The following CCZ1B variants were observed in gnomAD, a reference collection of about 807,000 sequenced individuals.
CCZ1B encodes CCZ1B vacuolar protein trafficking and biogenesis associated, also known as vacuolar fusion protein CCZ1 homolog B.
A neutral mutation model predicts 58.8 loss-of-function variants in CCZ1B; 25 were observed. The ratio of observed to expected loss-of-function variants is 0.43; its 90% CI spans 0.31 to 0.59. The LOEUF (loss-of-function observed/expected upper bound fraction) is 0.59, where lower values mean the gene tolerates loss of function less well. CCZ1B is among the 20% of genes least tolerant of loss of function. CCZ1B has a pLI of 0.12. For missense variants in CCZ1B, 180 were observed against 501.5 expected, an observed-to-expected ratio of 0.36 and a Z score of 6.12; for synonymous variants, 66 against 173.2, an observed-to-expected ratio of 0.38 and a Z score of 4.86.
intron 9 of CCZ1B, 96 bp downstream of exon 9, chr7:6,812,880 T>G: frequency 3.2e-6 from 5 of 1,546,720 alleles, no homozygotes; most frequent in Non-Finnish European, 4.4e-6. Context: ...TGAGCGGAGA[T>G]CTTGCCACTG....
chr7:6,815,321 A>G (rs986614378), intron 7 of CCZ1B, among the ~76,000 whole-genome samples: 2 of 148,294 alleles, frequency 1.3e-5, no homozygotes, highest in African/African-American at 5.1e-5. Context: ...ATGCGCCACC[A>G]TCAGCTAATT....
intron 7 of CCZ1B, among the ~76,000 whole-genome samples, chr7:6,819,021 G>A (rs921778395): frequency 6.9e-6 from 1 of 144,762 alleles, no homozygotes; most frequent in African/African-American, 2.7e-5. Flanking sequence ...GCAGTGGCTC[G>A]TGCCTGTAAT....
chr7:6,823,528 T>A (rs1219646947), intron 4 of CCZ1B, among the ~76,000 whole-genome samples, 168 bp from the exon 5 acceptor site: 1 of 141,520 alleles, frequency 7.1e-6, no homozygotes, highest in Non-Finnish European at 1.5e-5. Context: ...TTTTTTTTTT[T>A]TTTTTTTTGA....
intron 8 of CCZ1B, among the ~76,000 whole-genome samples, chr7:6,814,166 A>AAATG (rs1782961423): frequency 1.5e-5 from 2 of 134,224 alleles, no homozygotes; most frequent in South Asian, 4.8e-4. Context: ...ATAAATAAAT[A>AAATG]AATAAAATAA....
chr7:6,811,077 CG>C (rs1388160904), intron 10 of CCZ1B, among the ~76,000 whole-genome samples: 1 of 148,130 alleles, frequency 6.8e-6, no homozygotes, highest in African/African-American at 2.5e-5. Flanking sequence ...GATGCTCAGC[CG>C]TGGGCCTGTC....
At chr7:6,799,486 G>A (rs948770397) in intron 14 of CCZ1B, 40 of 168,466 alleles carry the variant, frequency 2.4e-4, no homozygotes, top group Middle Eastern at 1.8e-3. Flanking sequence ...GGAGTGTAGT[G>A]GTGTGATCTT....
At chr7:6,822,164 T>C in intron 6 of CCZ1B, 117 bp downstream of exon 6, 1 of 1,457,192 alleles carries the variant, frequency 6.9e-7, no homozygotes, top group Non-Finnish European at 9.2e-7. Flanking sequence ...TCTCAGGCTC[T>C]TTGCCACTTT....
At chr7:6,820,230 G>A (rs1299795619) in intron 6 of CCZ1B, among the ~76,000 whole-genome samples, 1 of 149,380 alleles carries the variant, frequency 6.7e-6, no homozygotes, top group Non-Finnish European at 1.5e-5. Context: ...CCAGGCTGGA[G>A]TGCAGTGGTG....
intron 6 of CCZ1B, among the ~76,000 whole-genome samples, chr7:6,821,363 C>G (rs781307608): frequency 7.7e-4 from 117 of 152,020 alleles, no homozygotes; most frequent in Non-Finnish European, 1.4e-3. Context: ...CTCAGGACAA[C>G]AGTTCTATCC....
rs1783057255 is a variant in CCZ1B at position 6,818,695 on chromosome 7, CAAGAAAGAAAGAA to C, written c.698+1058_698+1070del. Among the ~76,000 whole-genome samples, 8 of 59,482 alleles carry C rather than the reference CAAGAAAGAAAGAA, an allele frequency of 1.3e-4. No homozygotes were observed. The Admixed American group carries it at 1.4e-3, about 10-fold the overall frequency. The allele number at this position is 59,482 out of a possible 152,430, so 39.0% of individuals were successfully genotyped here. On this transcript the variant is annotated intron_variant, in intron 7 of 14. Coordinates refer to ENST00000316731, the MANE Select transcript of CCZ1B (RefSeq NM_198097.5). ...AAAGAAAGAAAGAAAGAAAGAAAGA[CAAGAAAGAAAGAA>C]AGACAAGAAAGAAAGAAAGAAAGAA...
rs574958552 is a variant in CCZ1B, at chr7:6,817,278, C to A, written c.699-2433G>T. On this transcript the variant is annotated intron_variant, in intron 7 of 14. Transcript: ENST00000316731. ...CCTGTGACTCCAGGCTTCAAAGGGC[C>A]AACGCTGCTGGTCACTCTGGCTCCA... 2.3e-4 allele frequency among the ~76,000 whole-genome samples: 35 copies of A among 151,628 alleles called. No individual in the cohort carries two copies. The South Asian group carries it at 6.9e-3, about 30-fold the overall frequency.
At chr7:6,823,889 G>A (rs1256125628) in intron 4 of CCZ1B, 200 bp downstream of exon 4, 3 of 981,578 alleles carry the variant, frequency 3.1e-6, no homozygotes, top group East Asian at 6.6e-5. Flanking sequence ...TAGATGAAGA[G>A]TAGAAGGTAT....
intron 10 of CCZ1B, among the ~76,000 whole-genome samples, chr7:6,809,336 TGTATG>T (rs1236826846): frequency 2.5e-5 from 3 of 119,508 alleles, no homozygotes. Context: ...GAGGGTGAGT[TGTATG>T]GTACGTGCAT....
intron 1 of CCZ1B, among the ~76,000 whole-genome samples, chr7:6,825,112 G>C (rs915632480): frequency 2.7e-5 from 4 of 150,528 alleles, no homozygotes; most frequent in African/African-American, 9.9e-5. Flanking sequence ...CAAGTCTCCA[G>C]GTTTCTTTCC....
Position 6,824,460 on chromosome 7 carries a change from C to A in CCZ1B, c.307G>T (p.Val103Phe). The A allele has an allele frequency of 6.2e-7, 1 of 1,605,256 alleles. No individual in the cohort carries two copies. Among genetic ancestry groups the A allele is most frequent in the Non-Finnish European group, 8.5e-7 (1 of 1,177,226 alleles). Residue 103 changes from valine (V) to phenylalanine (F), a missense_variant, in exon 3 of 15, where the codon GTC (valine) becomes TTC (phenylalanine). Val to Phe is a conservative substitution (Grantham distance 50). Transcript: ENST00000316731. ...FNEPEENFWM[V>F]MVVRNPIIEK... ...TACACTGTGTGTGTAAATACCATGA[C>A]CATCCAGAAATTTTCTTCTGGTTCA...
chr7:6,818,712 C>CAAGAAAGAAAGAAAGAAAGA lies in CCZ1B; in HGVS notation c.698+1034_698+1053dup, dbSNP rs769620724. Among the ~76,000 whole-genome samples the CAAGAAAGAAAGAAAGAAAGA allele has an allele frequency of 5.8e-4, 47 of 80,670 alleles. 1 individual carries two copies. Among genetic ancestry groups the CAAGAAAGAAAGAAAGAAAGA allele is most frequent in the African/African-American group, 2.7e-3 (47 of 17,144 alleles). The allele number at this position is 80,670 out of a possible 152,430, so 52.9% of individuals were successfully genotyped here. A position where few individuals can be genotyped will look rare whatever the true frequency, so the allele number is the denominator to read the frequency against. On this transcript the variant is annotated intron_variant, in intron 7 of 14. Coordinates refer to ENST00000316731, the MANE Select transcript of CCZ1B (RefSeq NM_198097.5). ...AAGAAAGACAAGAAAGAAAGAAAGA[C>CAAGAAAGAAAGAAAGAAAGA]AAGAAAGAAAGAAAGAAAGAAAGAA...
chr7:6,812,189 A>G, intron 9 of CCZ1B, 126 bp from the exon 10 acceptor site: 1 of 1,098,768 alleles, frequency 9.1e-7, no homozygotes, highest in Non-Finnish European at 1.4e-6. Flanking sequence ...TTTGGCAAAC[A>G]CCATATCAGA....
chr7:6,814,816 A>G lies in CCZ1B; in HGVS notation c.728T>C (p.Ile243Thr). ...WSGLEQDDMR[I>T]LYKYLTTSLF... ...GGAGGTGGTAAGGTATTTGTATAAA[A>G]TTCTCATGTCATCTTGTTCTAATCC... Residue 243 changes from isoleucine to threonine, a missense_variant, in exon 8 of 15, where the codon ATT becomes ACT. Physicochemically the swap from Ile to Thr is moderately conservative, Grantham distance 89. Coordinates refer to ENST00000316731, the MANE Select transcript of CCZ1B (RefSeq NM_198097.5). 6.2e-7 allele frequency: 1 copy of G among 1,607,084 alleles called. No individual in the cohort carries two copies. The highest frequency in any genetic ancestry group is 1.1e-5 in the South Asian group (1 of 90,462).
Position 6,824,555 on chromosome 7 carries a change from A to G in CCZ1B, c.219-7T>C. On this transcript the variant is annotated splice_polypyrimidine_tract_variant and splice_region_variant and intron_variant, in intron 2 of 14. Transcript: ENST00000316731. ...TTTTGATGGGCTAAATGTCCTACAA[A>G]GGTTAAAAAAATATGTTTGGGACAA... The G allele has an allele frequency of 6.2e-7, 1 of 1,610,640 alleles. No homozygotes were observed. Among genetic ancestry groups the G allele is most frequent in the East Asian group, 2.2e-5 (1 of 44,848 alleles).
Sources: gnomAD v4.1 joint callset for allele counts (sites outside exome capture counted in the v4.1 genomes callset) on GRCh38, gnomAD v4.1.1 for gene constraint, MANE v1.5 for transcripts, NCBI Gene and HGNC (gene_info 2026-07-23, HGNC 2026-07-21) for gene names.